The following NDUFA5 variants were observed in gnomAD, a reference collection of about 807,000 sequenced individuals.
NDUFA5 encodes the protein NADH dehydrogenase [ubiquinone] 1 alpha subcomplex subunit 5.
NDUFA5 carries 11 observed loss-of-function variants against 19.8 expected under a neutral mutation model. The observed-to-expected ratio is 0.56, with a 90% CI of 0.35 to 0.92. The LOEUF is 0.92. Among genes scored for constraint, NDUFA5 ranks in the 40% least tolerant of loss-of-function variants. NDUFA5 has a pLI of 0.01. For missense variants in NDUFA5, 109 were observed against 134.2 expected, an observed-to-expected ratio of 0.81 and a Z score of 0.93; for synonymous variants, 47 against 46.8, an observed-to-expected ratio of 1.00 and a Z score of -0.01.
chr7:123,582,071 T>C, the NDUFA5 span, among the ~76,000 whole-genome samples: 1 of 151,990 alleles, frequency 6.6e-6, no homozygotes, highest in Non-Finnish European at 1.5e-5. Context: ...TATATTGTAA[T>C]GGTAAAATAT....
chr7:123,559,859 A>C (rs1707912697), upstream of NDUFA5, among the ~76,000 whole-genome samples: 1 of 145,620 alleles, frequency 6.9e-6, no homozygotes, highest in Non-Finnish European at 1.5e-5. Flanking sequence ...CCGTCTCACA[A>C]AAAAAAAAAA....
the NDUFA5 span, among the ~76,000 whole-genome samples, chr7:123,601,470 A>T: frequency 6.6e-6 from 1 of 152,228 alleles, no homozygotes; most frequent in African/African-American, 2.4e-5. Context: ...AAAGAAAAAT[A>T]GTGTGTATTA....
chr7:123,556,157 T>C (rs1183132027), intron 2 of NDUFA5: 1 of 152,186 alleles, frequency 6.6e-6, no homozygotes, highest in East Asian at 1.9e-4. Context: ...GTTTCTGACC[T>C]GAGTCAAAAT....
chr7:123,547,841 A>C (rs182991685), intron 3 of NDUFA5, among the ~76,000 whole-genome samples: 9 of 152,302 alleles, frequency 5.9e-5, no homozygotes, highest in Admixed American at 2.6e-4. Flanking sequence ...AAACTTGATA[A>C]GGTACCATGT....
chr7:123,552,102 A>G (rs963627384), intron 2 of NDUFA5, among the ~76,000 whole-genome samples: 10 of 152,116 alleles, frequency 6.6e-5, no homozygotes, highest in Non-Finnish European at 1.3e-4. Context: ...CAAACAAGAC[A>G]TGATCACTCC....
At chr7:123,576,857 GGTTACATTATT>G in the NDUFA5 span, among the ~76,000 whole-genome samples, 1 of 152,018 alleles carries the variant, frequency 6.6e-6, no homozygotes, top group South Asian at 2.1e-4. Context: ...AGGGTCTGCT[GGTTACATTATT>G]CCAGTTTTGT....
chr7:123,601,646 T>C, the NDUFA5 span, among the ~76,000 whole-genome samples: 1 of 152,030 alleles, frequency 6.6e-6, no homozygotes, highest in Non-Finnish European at 1.5e-5. Flanking sequence ...TTCATAAGAG[T>C]TCTTTGAACC....
the NDUFA5 span, chr7:123,567,075 T>C: frequency 2.0e-5 from 3 of 152,244 alleles, no homozygotes; most frequent in Non-Finnish European, 2.9e-5. Context: ...TAGAGCTATT[T>C]GATCCTGACT....
chr7:123,597,653 G>A, the NDUFA5 span, among the ~76,000 whole-genome samples: 2 of 152,036 alleles, frequency 1.3e-5, no homozygotes, highest in Non-Finnish European at 2.9e-5. Context: ...CCAACATGGT[G>A]AAACCCCGTA....
intron 4 of NDUFA5, 22 bp downstream of exon 4, chr7:123,545,589 A>C (rs1432366024): frequency 6.3e-7 from 1 of 1,598,948 alleles, no homozygotes; most frequent in Non-Finnish European, 8.6e-7. Context: ...CCAAACACCT[A>C]AATAGTCAAC....
chr7:123,579,904 A>G, the NDUFA5 span, among the ~76,000 whole-genome samples: 2 of 152,084 alleles, frequency 1.3e-5, no homozygotes, highest in African/African-American at 2.4e-5. Flanking sequence ...TAGGTTTTCA[A>G]TTTAATTCTC....
chr7:123,549,742 C>T (rs1398708800), intron 3 of NDUFA5, among the ~76,000 whole-genome samples: 1 of 152,222 alleles, frequency 6.6e-6, no homozygotes, highest in Non-Finnish European at 1.5e-5. Context: ...CGTGCCACTG[C>T]ACTCTAGACT....
In NDUFA5 at chr7:123,547,180, T is replaced by C. The variant is rs138333143; in HGVS notation, c.184-1504A>G. 3.3e-5 allele frequency among the ~76,000 whole-genome samples: 5 copies of C among 152,290 alleles called. No homozygotes were observed. In the East Asian group the frequency reaches 7.7e-4, roughly 24 times the overall value. On this transcript the variant is annotated intron_variant, in intron 3 of 4. Coordinates refer to ENST00000355749, the MANE Select transcript of NDUFA5 (RefSeq NM_005000.5). ...ACACCATCTTGATTTGGGTCCCTGA[T>C]GTTGATTTCCAACTTCTGGCCTCCA...
At chr7:123,547,504 T>C (rs1176984172) in intron 3 of NDUFA5, among the ~76,000 whole-genome samples, 1 of 152,022 alleles carries the variant, frequency 6.6e-6, no homozygotes, top group African/African-American at 2.4e-5. Flanking sequence ...CCTAGAACCA[T>C]ACATGGCATT....
At chr7:123,568,630 TG>T in the NDUFA5 span, among the ~76,000 whole-genome samples, 3 of 152,028 alleles carry the variant, frequency 2.0e-5, no homozygotes, top group Admixed American at 2.0e-4. Context: ...CACTTCTGTA[TG>T]GGAAATGTTG....
chr7:123,557,969 G>T (rs1798628423), upstream of NDUFA5: 2 of 1,086,918 alleles, frequency 1.8e-6, no homozygotes, highest in Non-Finnish European at 2.7e-6. Flanking sequence ...AAAAATTGAC[G>T]CATGCGCGAT....
At chr7:123,567,002 T>C in the NDUFA5 span, 2 of 152,336 alleles carry the variant, frequency 1.3e-5, no homozygotes, top group South Asian at 2.1e-4. Context: ...TATGTGTTGA[T>C]TTGTTGTAAC....
chr7:123,579,049 C>A, the NDUFA5 span, among the ~76,000 whole-genome samples: 1 of 152,002 alleles, frequency 6.6e-6, no homozygotes, highest in East Asian at 1.9e-4. Context: ...TCAACCTTTG[C>A]CCCTCTCGCT....
At chr7:123,551,250 C>T (rs1466655993) in intron 2 of NDUFA5, 1 of 151,308 alleles carries the variant, frequency 6.6e-6, no homozygotes, top group Non-Finnish European at 1.5e-5. Flanking sequence ...CTCTTATAGC[C>T]CAGGCTGGAG....
Sources: gnomAD v4.1 joint callset for allele counts (sites outside exome capture counted in the v4.1 genomes callset) on GRCh38, gnomAD v4.1.1 for gene constraint, MANE v1.5 for transcripts, NCBI Gene and HGNC (gene_info 2026-07-23, HGNC 2026-07-21) for gene names.